The following CDH13 variants were observed in gnomAD, a reference collection of about 807,000 sequenced individuals.
CDH13 encodes cadherin 13, also known as cadherin-13.
Under a neutral mutation model 63.8 loss-of-function variants are expected in CDH13, and 24 were observed. The ratio of observed to expected loss-of-function variants is 0.38; its 90% CI spans 0.27 to 0.53. CDH13 has a LOEUF of 0.53. Among genes scored for constraint, CDH13 ranks in the 20% least tolerant of loss-of-function variants. The probability of loss-of-function intolerance (pLI) is 0.85; values close to 1 mark genes in which losing one functional copy is unlikely to be tolerated. For missense variants in CDH13, 1,049 were observed against 903.1 expected, an observed-to-expected ratio of 1.16 and a Z score of -2.07; for synonymous variants, 503 against 355.3, an observed-to-expected ratio of 1.42 and a Z score of -4.67.
chr16:83,282,351 G>T (rs2089199219), intron 5 of CDH13, among the ~76,000 whole-genome samples: 1 of 152,154 alleles, frequency 6.6e-6, no homozygotes, highest in Non-Finnish European at 1.5e-5. Context: ...TCAACGCAGG[G>T]TTGCCACAAA....
At chr16:82,743,100 A>G (rs888903131) in intron 1 of CDH13, among the ~76,000 whole-genome samples, 2 of 152,216 alleles carry the variant, frequency 1.3e-5, no homozygotes, top group African/African-American at 4.8e-5. Flanking sequence ...AACACCTTTT[A>G]TTTCTCAGTA....
At chr16:82,664,372 C>T (rs556054431) in intron 1 of CDH13, among the ~76,000 whole-genome samples, 23 of 152,322 alleles carry the variant, frequency 1.5e-4, no homozygotes, top group African/African-American at 5.3e-4. Flanking sequence ...AAATTCATGG[C>T]AGTGCCTGGT....
At chr16:83,401,485 C>T (rs866289326) in intron 6 of CDH13, among the ~76,000 whole-genome samples, 1 of 152,042 alleles carries the variant, frequency 6.6e-6, no homozygotes, top group Non-Finnish European at 1.5e-5. Flanking sequence ...GCACTCCAGC[C>T]TGGGTAACAG....
chr16:83,065,591 G>C (rs1001761076), intron 3 of CDH13, among the ~76,000 whole-genome samples: 6 of 152,014 alleles, frequency 3.9e-5, no homozygotes, highest in African/African-American at 1.5e-4. Context: ...TGTAATTCCA[G>C]CTAGTCGGGA....
At chr16:83,309,692 G>A (rs900421913) in intron 5 of CDH13, among the ~76,000 whole-genome samples, 1 of 152,174 alleles carries the variant, frequency 6.6e-6, no homozygotes, top group East Asian at 1.9e-4. Context: ...TCTGAAACTT[G>A]GAATGTCCTG....
At chr16:83,400,266 CGTT>C (rs1344072916) in intron 6 of CDH13, among the ~76,000 whole-genome samples, 1 of 152,098 alleles carries the variant, frequency 6.6e-6, no homozygotes, top group Non-Finnish European at 1.5e-5. Flanking sequence ...TTTCTCTTCT[CGTT>C]GTAAATTTTC....
At chr16:83,543,829 CG>C (rs1028520042) in intron 7 of CDH13, among the ~76,000 whole-genome samples, 15 of 152,188 alleles carry the variant, frequency 9.9e-5, no homozygotes, top group Admixed American at 3.9e-4. Context: ...TGGCCCCAAA[CG>C]TCAGTAGTGC....
chr16:83,629,396 A>G (rs1910587257), intron 8 of CDH13, among the ~76,000 whole-genome samples: 1 of 152,228 alleles, frequency 6.6e-6, no homozygotes, highest in Non-Finnish European at 1.5e-5. Flanking sequence ...TATTTTATAA[A>G]TGAATTTTCC....
At chr16:82,971,217 G>A (rs1908695364) in intron 2 of CDH13, among the ~76,000 whole-genome samples, 1 of 152,170 alleles carries the variant, frequency 6.6e-6, no homozygotes, top group Admixed American at 6.5e-5. Flanking sequence ...CTCACCAGCA[G>A]GATTCAGTTC....
chr16:83,631,927 C>T (rs1357488367), intron 8 of CDH13, among the ~76,000 whole-genome samples: 2 of 152,160 alleles, frequency 1.3e-5, no homozygotes, highest in African/African-American at 4.8e-5. Context: ...AAGTCTCGTT[C>T]GCCAGCTGAG....
intron 1 of CDH13, among the ~76,000 whole-genome samples, chr16:82,731,383 G>C (rs1030386078): frequency 2.0e-5 from 3 of 152,158 alleles, no homozygotes; most frequent in Non-Finnish European, 2.9e-5. Flanking sequence ...CTCTAGTCTA[G>C]ACTTACAAAA....
chr16:82,933,916 G>T lies in CDH13; in HGVS notation c.157+75443G>T, dbSNP rs145013282. Reference sequence around the variant, plus strand: ...GGCCTTGGGCAGCTTTGTCCCTGTGGCTTTGCAGGGTACAGCCCTCCTCCT... The same window carrying T: ...GGCCTTGGGCAGCTTTGTCCCTGTGTCTTTGCAGGGTACAGCCCTCCTCCT... On this transcript the variant is annotated intron_variant, in intron 2 of 13. Transcript: ENST00000567109. Among the ~76,000 whole-genome samples the T allele has an allele frequency of 4.4e-3, 667 of 152,324 alleles. 2 individuals carry two copies. The highest frequency in any genetic ancestry group is 0.012 in the South Asian group (56 of 4,830).
intron 4 of CDH13, among the ~76,000 whole-genome samples, chr16:83,196,695 A>G (rs908284881): frequency 3.3e-5 from 5 of 152,220 alleles, no homozygotes; most frequent in Non-Finnish European, 7.3e-5. Flanking sequence ...AAATGTTCCA[A>G]CTCATTAGCC....
intron 5 of CDH13, among the ~76,000 whole-genome samples, chr16:83,339,003 A>G (rs1051099350): frequency 6.6e-6 from 1 of 152,228 alleles, no homozygotes; most frequent in Non-Finnish European, 1.5e-5. Flanking sequence ...GAAGCCCTAT[A>G]GAAAACAGAT....
chr16:82,987,647 G>T (rs1911115526), intron 2 of CDH13, among the ~76,000 whole-genome samples: 1 of 152,208 alleles, frequency 6.6e-6, no homozygotes, highest in Non-Finnish European at 1.5e-5. Flanking sequence ...AAAGTGGTAG[G>T]ATTACAGGCA....
intron 5 of CDH13, among the ~76,000 whole-genome samples, chr16:83,262,930 C>G (rs1907160908): frequency 6.6e-6 from 1 of 152,154 alleles, no homozygotes; most frequent in Non-Finnish European, 1.5e-5. Flanking sequence ...ATATTTCAAA[C>G]CAACCAGCTA....
intron 1 of CDH13, among the ~76,000 whole-genome samples, chr16:82,733,086 G>A (rs1040172547): frequency 6.6e-6 from 1 of 152,154 alleles, no homozygotes; most frequent in African/African-American, 2.4e-5. Flanking sequence ...TGTGCCTATC[G>A]ATTGTGACAA....
intron 1 of CDH13, among the ~76,000 whole-genome samples, chr16:82,678,578 T>G (rs1411505559): frequency 6.6e-6 from 1 of 152,200 alleles, no homozygotes; most frequent in Non-Finnish European, 1.5e-5. Context: ...GTCAGAAGCT[T>G]GAGTGACTGG....
chr16:83,353,435 C>T (rs2090996644), intron 6 of CDH13, among the ~76,000 whole-genome samples: 1 of 152,268 alleles, frequency 6.6e-6, no homozygotes, highest in African/African-American at 2.4e-5. Flanking sequence ...TGTTAGGACC[C>T]TTGGCTGCTG....
Sources: gnomAD v4.1 joint callset for allele counts (sites outside exome capture counted in the v4.1 genomes callset) on GRCh38, gnomAD v4.1.1 for gene constraint, MANE v1.5 for transcripts, NCBI Gene and HGNC (gene_info 2026-07-23, HGNC 2026-07-21) for gene names.